CLMP: variants seen among roughly 807,000 people sequenced by gnomAD.
The protein encoded by CLMP is CXADR-like membrane protein.
In CLMP, 27 loss-of-function variants were observed where a neutral mutation model predicts 45.2. The observed-to-expected ratio is 0.60, with a 90% CI of 0.44 to 0.82. The LOEUF (loss-of-function observed/expected upper bound fraction) is 0.82. CLMP is among the 40% of genes least tolerant of loss of function. CLMP has a pLI of 0.00. For missense variants in CLMP, 403 were observed against 448.4 expected (o/e 0.90, Z 0.91); for synonymous variants, 167 against 171.4 (o/e 0.97, Z 0.20).
intron 5 of CLMP, among the ~76,000 whole-genome samples, chr11:123,077,626 A>G (rs1865756102): frequency 6.6e-6 from 1 of 152,138 alleles, no homozygotes; most frequent in African/African-American, 2.4e-5. Flanking sequence ...TGCCCAGCCA[A>G]AATTTCATTT....
Position 123,193,469 on chromosome 11 carries a change from T to A in CLMP, c.28+1444A>T, listed in dbSNP as rs138082470. ...TCCAGTAAAGGGAATCAAGGTGCCA[T>A]CCAGCTGCGCCAGATGTGCACAGGA... On this transcript the variant is annotated intron_variant, in intron 1 of 6. Transcript: ENST00000448775. Among the ~76,000 whole-genome samples, 760 of 152,334 alleles carry A rather than the reference T, an allele frequency of 5.0e-3. 9 individuals are homozygous for A. The highest frequency in any genetic ancestry group is 0.017 in the African/African-American group (716 of 41,576).
intron 1 of CLMP, among the ~76,000 whole-genome samples, chr11:123,150,582 A>AAAGGAAGG (rs57990609): frequency 8.8e-4 from 103 of 116,926 alleles, no homozygotes; most frequent in Admixed American, 1.9e-3. Flanking sequence ...GGAAGGAAGG[A>AAAGGAAGG]AAGGAAGGAA....
intron 2 of CLMP, among the ~76,000 whole-genome samples, chr11:123,090,975 G>T (rs1865925689): frequency 6.6e-6 from 1 of 152,150 alleles, no homozygotes; most frequent in African/African-American, 2.4e-5. Flanking sequence ...TCAACTAGAA[G>T]GTCAGAGGCC....
chr11:123,156,755 T>C (rs1565399377), intron 1 of CLMP, among the ~76,000 whole-genome samples: 1 of 150,814 alleles, frequency 6.6e-6, no homozygotes, highest in Non-Finnish European at 1.5e-5. Context: ...ATCCCACAGA[T>C]AAAAATCTCA....
intron 1 of CLMP, among the ~76,000 whole-genome samples, chr11:123,104,678 G>A (rs1311536395): frequency 2.0e-5 from 3 of 152,122 alleles, no homozygotes; most frequent in Non-Finnish European, 4.4e-5. Context: ...GAGCCACCGC[G>A]TCCGGCCTCT....
At chr11:123,109,330 C>T (rs1860605960) in intron 1 of CLMP, among the ~76,000 whole-genome samples, 1 of 152,264 alleles carries the variant, frequency 6.6e-6, no homozygotes, top group South Asian at 2.1e-4. Context: ...TGCATGATCT[C>T]ATGTGAACCC....
intron 2 of CLMP, among the ~76,000 whole-genome samples, chr11:123,092,362 A>G (rs1247925606): frequency 1.3e-5 from 2 of 151,920 alleles, no homozygotes; most frequent in African/African-American, 4.8e-5. Context: ...CAGTGGCACA[A>G]TCTTGGCCCA....
chr11:123,142,087 C>T lies in CLMP; in HGVS notation c.29-44135G>A, dbSNP rs146761296. Among the ~76,000 whole-genome samples, 864 of 150,932 alleles carry T rather than the reference C, an allele frequency of 5.7e-3. 6 individuals carry two copies. Among genetic ancestry groups the T allele is most frequent in the Non-Finnish European group, 8.7e-3 (591 of 67,856 alleles). On this transcript the variant is annotated intron_variant, in intron 1 of 6. Coordinates refer to ENST00000448775, the MANE Select transcript of CLMP (RefSeq NM_024769.5). The stretch of plus-strand genomic sequence containing the variant: ...GGACCCTCGACCTCCCAGGGTCAAG[C>T]GATCCTCCTGTCTCAGCCTCCTGAG...
At chr11:123,133,597 C>G (rs1861023624) in intron 1 of CLMP, among the ~76,000 whole-genome samples, 2 of 152,156 alleles carry the variant, frequency 1.3e-5, no homozygotes, top group Non-Finnish European at 2.9e-5. Context: ...GTAGCCACTA[C>G]TATGATGCGG....
intron 1 of CLMP, among the ~76,000 whole-genome samples, chr11:123,102,969 G>C (rs915171951): frequency 3.3e-5 from 5 of 151,798 alleles, no homozygotes; most frequent in Non-Finnish European, 7.4e-5. Flanking sequence ...CTCAGCCCAG[G>C]GTCTCACACT....
chr11:123,083,796 C>T lies in CLMP; in HGVS notation c.440G>A (p.Ser147Asn), dbSNP rs1342980635. The change falls in exon 4 of 7, where the codon AGT becomes AAT. Residue 147 changes from serine to asparagine, a missense_variant. Ser to Asn is a conservative substitution (Grantham distance 46). Coordinates refer to ENST00000448775, the MANE Select transcript of CLMP (RefSeq NM_024769.5). ...CELEGELTEG[S>N]DLTLQCESSS... ...TGACTCACACTGCAAAGTCAGGTCACTTCCTTCTGTCAGCTCTCCTTCCAA... is the reference window on the plus strand; with the variant it reads ...TGACTCACACTGCAAAGTCAGGTCATTTCCTTCTGTCAGCTCTCCTTCCAA... The T allele has an allele frequency of 4.3e-6, 7 of 1,613,778 alleles. No homozygotes were observed. The African/African-American group carries it at 6.7e-5, about 15-fold the overall frequency.
chr11:123,103,462 T>C (rs988078721), intron 1 of CLMP, among the ~76,000 whole-genome samples: 4 of 152,178 alleles, frequency 2.6e-5, no homozygotes, highest in Admixed American at 6.5e-5. Flanking sequence ...AACTGGAACA[T>C]TGTGGCGGGT....
At position 123,078,652 on chromosome 11, in the gene CLMP, T is replaced by G. The variant is rs535595499; in HGVS notation, c.680-3809A>C. ...GTGTTTTTTTTGGTTTTTTTTGTTT[T>G]TTTTTTTTTTGAGACAGAGTCCTGC... On this transcript the variant is annotated intron_variant, in intron 5 of 6. Coordinates refer to ENST00000448775, the MANE Select transcript of CLMP (RefSeq NM_024769.5). Among the ~76,000 whole-genome samples the G allele has an allele frequency of 3.8e-3, 577 of 150,364 alleles. 6 individuals carry two copies. Among genetic ancestry groups the G allele is most frequent in the African/African-American group, 0.014 (555 of 41,008 alleles).
At chr11:123,120,905 T>A (rs944759941) in intron 1 of CLMP, among the ~76,000 whole-genome samples, 2 of 151,936 alleles carry the variant, frequency 1.3e-5, no homozygotes, top group Non-Finnish European at 2.9e-5. Context: ...GGTGGGAGGA[T>A]CACGAGGTCA....
At chr11:123,180,775 C>A (rs1861758165) in intron 1 of CLMP, among the ~76,000 whole-genome samples, 1 of 152,156 alleles carries the variant, frequency 6.6e-6, no homozygotes, top group Admixed American at 6.5e-5. Context: ...GCCAGCCTTG[C>A]AGCCATCTGG....
intron 1 of CLMP, among the ~76,000 whole-genome samples, chr11:123,103,098 T>C (rs1334418809): frequency 6.6e-6 from 1 of 152,078 alleles, no homozygotes; most frequent in Non-Finnish European, 1.5e-5. Flanking sequence ...TACAACTCAT[T>C]TAGCGGCAGA....
rs73017838 is a variant in CLMP, at chr11:123,143,524, G to A, written c.29-45572C>T. Among the ~76,000 whole-genome samples the A allele has an allele frequency of 9.0e-3, 1,369 of 152,154 alleles. 12 individuals are homozygous for A. The highest frequency in any genetic ancestry group is 0.014 in the Non-Finnish European group (965 of 68,006). On this transcript the variant is annotated intron_variant, in intron 1 of 6. Transcript: ENST00000448775. ...CATGTGAACCGCCTATGGGGGGCGGGGGGGGCATGAGACAGGGAACAGTGG... is the reference window on the plus strand; with the variant it reads ...CATGTGAACCGCCTATGGGGGGCGGAGGGGGCATGAGACAGGGAACAGTGG...
At chr11:123,115,546 T>G (rs531841676) in intron 1 of CLMP, among the ~76,000 whole-genome samples, 2 of 152,180 alleles carry the variant, frequency 1.3e-5, no homozygotes, top group Admixed American at 6.6e-5. Flanking sequence ...GAGTACATTC[T>G]ATAGGATTCC....
At chr11:123,118,835 TTCACTCA>T (rs1238223732) in intron 1 of CLMP, among the ~76,000 whole-genome samples, 2 of 152,156 alleles carry the variant, frequency 1.3e-5, no homozygotes, top group Admixed American at 1.3e-4. Context: ...TACTCATTCA[TTCACTCA>T]TGTATTTACT....
Sources: gnomAD v4.1 joint callset for allele counts (sites outside exome capture counted in the v4.1 genomes callset) on GRCh38, gnomAD v4.1.1 for gene constraint, MANE v1.5 for transcripts, NCBI Gene and HGNC (gene_info 2026-07-23, HGNC 2026-07-21) for gene names.